The following REDIC1 variants were observed in gnomAD, a reference collection of about 807,000 sequenced individuals.
REDIC1 encodes HEI10 Interacting Protein 1.
chr12:39,734,312 T>C, the REDIC1 span, among the ~76,000 whole-genome samples: 1 of 152,208 alleles, frequency 6.6e-6, no homozygotes. Context: ...ACCTTCTGCA[T>C]TGATCTCACT....
At chr12:39,665,857 T>G in the REDIC1 span, among the ~76,000 whole-genome samples, 1 of 152,190 alleles carries the variant, frequency 6.6e-6, no homozygotes, top group African/African-American at 2.4e-5. Flanking sequence ...AGTTCACTCA[T>G]GATTTGGCTC....
chr12:39,858,401 C>A, the REDIC1 span, among the ~76,000 whole-genome samples: 400 of 152,032 alleles, frequency 2.6e-3, no homozygotes, highest in African/African-American at 9.1e-3. Flanking sequence ...GCTTGTGCCA[C>A]CATGCCAAAA....
At chr12:39,705,318 TA>T in the REDIC1 span, among the ~76,000 whole-genome samples, 1 of 151,964 alleles carries the variant, frequency 6.6e-6, no homozygotes, top group Admixed American at 6.6e-5. Context: ...GAAGTTGTAA[TA>T]AAAAGTCTCC....
At chr12:39,881,504 C>G in the REDIC1 span, among the ~76,000 whole-genome samples, 13,684 of 152,182 alleles carry the variant, frequency 0.09, 810 homozygotes, top group Non-Finnish European at 0.11. Context: ...CTCATCATGT[C>G]TCAATTATCT....
At chr12:39,901,277 A>G in the REDIC1 span, among the ~76,000 whole-genome samples, 62 of 152,346 alleles carry the variant, frequency 4.1e-4, no homozygotes, top group Non-Finnish European at 7.9e-4. Flanking sequence ...GGACATAGGC[A>G]TGGGCAAGGA....
chr12:39,799,452 C>T, the REDIC1 span, among the ~76,000 whole-genome samples: 21 of 63,552 alleles, frequency 3.3e-4, no homozygotes, highest in South Asian at 1.7e-3. Context: ...CTCTACACGG[C>T]GCACTTTTAC....
At chr12:39,687,568 C>G in the REDIC1 span, among the ~76,000 whole-genome samples, 3 of 152,122 alleles carry the variant, frequency 2.0e-5, no homozygotes, top group Non-Finnish European at 2.9e-5. Context: ...GGGGATGGTG[C>G]GAAACCATTC....
chr12:39,800,186 A>G, the REDIC1 span, among the ~76,000 whole-genome samples: 3 of 152,322 alleles, frequency 2.0e-5, no homozygotes, highest in East Asian at 5.8e-4. Context: ...TTTTGCAGAA[A>G]GGTAATTGGT....
At chr12:39,771,312 T>C in the REDIC1 span, among the ~76,000 whole-genome samples, 5 of 152,108 alleles carry the variant, frequency 3.3e-5, no homozygotes, top group Admixed American at 6.6e-5. Context: ...ACAGGACATA[T>C]GTGATTAAGT....
At chr12:39,794,123 C>CAAA in the REDIC1 span, among the ~76,000 whole-genome samples, 2 of 78,348 alleles carry the variant, frequency 2.6e-5, no homozygotes, top group African/African-American at 1.0e-4. Flanking sequence ...GGCCAAATTG[C>CAAA]AAAAAAAAAA....
chr12:39,674,341 A>G, the REDIC1 span, among the ~76,000 whole-genome samples: 1 of 152,198 alleles, frequency 6.6e-6, no homozygotes, highest in African/African-American at 2.4e-5. Flanking sequence ...ACTGAGTCAG[A>G]TGCTTAAAAT....
At chr12:39,732,509 A>C in the REDIC1 span, among the ~76,000 whole-genome samples, 1 of 152,274 alleles carries the variant, frequency 6.6e-6, no homozygotes, top group East Asian at 1.9e-4. Flanking sequence ...GAGGGTTGTA[A>C]GATGGTGATA....
the REDIC1 span, among the ~76,000 whole-genome samples, chr12:39,660,036 T>TC: frequency 2.0e-5 from 3 of 152,026 alleles, no homozygotes; most frequent in African/African-American, 2.4e-5. Flanking sequence ...ACTTTCTTGA[T>TC]CCCCCTTGAA....
At chr12:39,847,824 G>T in the REDIC1 span, among the ~76,000 whole-genome samples, 1 of 151,964 alleles carries the variant, frequency 6.6e-6, no homozygotes, top group Non-Finnish European at 1.5e-5. Context: ...AAATATTTTG[G>T]CTTATTTTTG....
the REDIC1 span, among the ~76,000 whole-genome samples, chr12:39,735,441 G>C: frequency 6.6e-6 from 1 of 152,192 alleles, no homozygotes. Context: ...AGATTTCCAA[G>C]GAGAATGTTG....
the REDIC1 span, among the ~76,000 whole-genome samples, chr12:39,779,468 C>A: frequency 2.0e-5 from 3 of 152,078 alleles, no homozygotes; most frequent in African/African-American, 2.4e-5. Context: ...AACACCATAC[C>A]TATTATCTTC....
chr12:39,741,432 G>T, the REDIC1 span, among the ~76,000 whole-genome samples: 1 of 152,050 alleles, frequency 6.6e-6, no homozygotes, highest in Non-Finnish European at 1.5e-5. Context: ...CCCTGAGGAG[G>T]GTCAGTATTA....
At chr12:39,900,402 C>T in the REDIC1 span, among the ~76,000 whole-genome samples, 1 of 152,106 alleles carries the variant, frequency 6.6e-6, no homozygotes, top group African/African-American at 2.4e-5. Flanking sequence ...CAAATTGTCC[C>T]TGTTTGCAGA....
At chr12:39,668,128 T>A in the REDIC1 span, among the ~76,000 whole-genome samples, 2 of 152,176 alleles carry the variant, frequency 1.3e-5, no homozygotes, top group African/African-American at 4.8e-5. Flanking sequence ...GCTTGTTATT[T>A]TGCTTGTTAG....
Sources: gnomAD v4.1 joint callset for allele counts (sites outside exome capture counted in the v4.1 genomes callset) on GRCh38, gnomAD v4.1.1 for gene constraint, MANE v1.5 for transcripts, NCBI Gene and HGNC (gene_info 2026-07-23, HGNC 2026-07-21) for gene names.